Variants in PCDHGA3 observed in about 807,000 individuals in gnomAD.
PCDHGA3 encodes the protein protocadherin gamma-A3.
Under a neutral mutation model 58.5 loss-of-function variants are expected in PCDHGA3, and 40 were observed. That is an observed-to-expected ratio of 0.68 (90% CI 0.53 to 0.89). The LOEUF (loss-of-function observed/expected upper bound fraction) is 0.89. PCDHGA3 is among the 40% of genes least tolerant of loss of function. The probability of loss-of-function intolerance (pLI) is 0.00; values close to 1 mark genes in which losing one functional copy is unlikely to be tolerated. For synonymous variants in PCDHGA3, 530 were observed against 525.7 expected (o/e 1.01, Z -0.11); for missense variants, 1,223 against 1,195.9 (o/e 1.02, Z -0.33).
intron 1 of PCDHGA3, chr5:141,403,695 G>A (rs376074779): frequency 6.2e-7 from 1 of 1,613,780 alleles, no homozygotes; most frequent in Non-Finnish European, 8.5e-7. Flanking sequence ...CGGATTTACC[G>A]AGTTAAAGTC....
Position 141,374,942 on chromosome 5 carries a change from A to G in PCDHGA3, c.2424+28485A>G, listed in dbSNP as rs758134474. The G allele has an allele frequency of 5.6e-6, 9 of 1,613,926 alleles. No individual in the cohort carries two copies. Among genetic ancestry groups the G allele is most frequent in the Non-Finnish European group, 7.6e-6 (9 of 1,179,910 alleles). ...TTATTCCTTTGTGAAGATTACAGAA[A>G]AGATCTCACAAATTTTCTGTTTGAA... On this transcript the variant is annotated intron_variant, in intron 1 of 3. Coordinates refer to ENST00000253812, the MANE Select transcript of PCDHGA3 (RefSeq NM_018916.4).
intron 1 of PCDHGA3, 134 bp from the exon 2 acceptor site, chr5:141,494,673 C>A: frequency 6.5e-7 from 1 of 1,542,992 alleles, no homozygotes; most frequent in South Asian, 1.2e-5. Flanking sequence ...GATGAGTCCA[C>A]CCCTGCCCCC....
intron 1 of PCDHGA3, among the ~76,000 whole-genome samples, chr5:141,373,222 G>C (rs899880588): frequency 6.6e-6 from 1 of 152,116 alleles, no homozygotes; most frequent in African/African-American, 2.4e-5. Context: ...AATGTAACCT[G>C]TATATAATAT....
At chr5:141,453,464 C>A (rs186131587) in intron 1 of PCDHGA3, among the ~76,000 whole-genome samples, 16 of 152,090 alleles carry the variant, frequency 1.1e-4, no homozygotes, top group Non-Finnish European at 1.9e-4. Flanking sequence ...AAAACATTAA[C>A]ATAAAGTCAA....
rs184835272 is a variant in PCDHGA3, at chr5:141,470,234, C to A, written c.2425-24573C>A. ...AACCATTCAGCTTCTTCACCAAACC[C>A]TTGAATGTCCCACCTGTCTAAATGG... On this transcript the variant is annotated intron_variant, in intron 1 of 3. Transcript: ENST00000253812. Among the ~76,000 whole-genome samples, 6 of 152,288 alleles carry A rather than the reference C, an allele frequency of 3.9e-5. No individual in the cohort carries two copies. The East Asian group carries it at 9.6e-4, about 24-fold the overall frequency.
chr5:141,399,628 G>A (rs775633916), intron 1 of PCDHGA3: 23 of 1,613,772 alleles, frequency 1.4e-5, no homozygotes, highest in South Asian at 2.2e-5. Context: ...GGCCTCTTAC[G>A]TGTCCATGAG....
intron 1 of PCDHGA3, chr5:141,426,986 C>T (rs764345099): frequency 1.8e-5 from 8 of 456,618 alleles, no homozygotes; most frequent in South Asian, 7.7e-5. Flanking sequence ...CTGATGCCAA[C>T]GATAATGCCC....
chr5:141,498,565 G>C (rs2099784348), intron 2 of PCDHGA3, among the ~76,000 whole-genome samples: 1 of 152,044 alleles, frequency 6.6e-6, no homozygotes. Context: ...CTTCAAAGCA[G>C]GGCTAGTATT....
At chr5:141,389,161 G>A (rs2091630816) in intron 1 of PCDHGA3, 1 of 1,613,878 alleles carries the variant, frequency 6.2e-7, no homozygotes, top group African/African-American at 1.3e-5. Flanking sequence ...ACAGATCGGG[G>A]CAAGCCTCCC....
Position 141,491,507 on chromosome 5 carries a change from C to G in PCDHGA3, c.2425-3300C>G, listed in dbSNP as rs755899622. The stretch of plus-strand genomic sequence containing the variant: ...AACCTGCAGGTGAGCTCGGACGGCA[C>G]GCTCAAGTACATGGAGGTGACGCTG... On this transcript the variant is annotated intron_variant, in intron 1 of 3. Coordinates refer to ENST00000253812, the MANE Select transcript of PCDHGA3 (RefSeq NM_018916.4). This position sits in a 1 kb window ranked among gnomAD's most constrained non-coding sequence, Gnocchi z 6.9. 1.5e-5 allele frequency: 24 copies of G among 1,614,038 alleles called. No individual in the cohort carries two copies. The highest frequency in any genetic ancestry group is 2.0e-5 in the Non-Finnish European group (24 of 1,180,016).
intron 1 of PCDHGA3, chr5:141,419,164 C>G: frequency 6.2e-7 from 1 of 1,613,966 alleles, no homozygotes; most frequent in Non-Finnish European, 8.5e-7. Context: ...TATCCTCCAG[C>G]AAAACCATAA....
intron 1 of PCDHGA3, among the ~76,000 whole-genome samples, chr5:141,346,939 C>T (rs912318443): frequency 6.6e-6 from 1 of 152,116 alleles, no homozygotes; most frequent in Non-Finnish European, 1.5e-5. Context: ...ATATTTTATG[C>T]CCATGAAATT....
chr5:141,375,743 G>C, intron 1 of PCDHGA3: 2 of 1,614,238 alleles, frequency 1.2e-6, no homozygotes, highest in East Asian at 2.2e-5. Flanking sequence ...GTTTGTGCTG[G>C]ACCAGAATGA....
In PCDHGA3 at chr5:141,344,213, G is replaced by A. The variant is rs749543351; in HGVS notation, c.180G>A (p.Ala60=). 1.2e-6 allele frequency: 2 copies of A among 1,614,048 alleles called. No individual in the cohort carries two copies. The highest frequency in any genetic ancestry group is 1.7e-5 in the Admixed American group (1 of 60,030). Reference sequence around the variant, plus strand: ...TGGGGCTAGAGCCCCGGGAGCTGGCGGAGCGCGGAGTCCGCATCGTCTCCA... The same window carrying A: ...TGGGGCTAGAGCCCCGGGAGCTGGCAGAGCGCGGAGTCCGCATCGTCTCCA... ...NDLGLEPREL[A]ERGVRIVSRG... is the part of the protein sequence containing the mutation. The change falls in exon 1 of 4, where the codon GCG becomes GCA. Residue 60 remains alanine, a synonymous_variant. Transcript: ENST00000253812.
intron 1 of PCDHGA3, chr5:141,389,837 AC>A (rs2091936174): frequency 6.2e-7 from 1 of 1,613,842 alleles, no homozygotes. Flanking sequence ...GACAGCCACC[AC>A]TCTCGGCCAC....
intron 1 of PCDHGA3, among the ~76,000 whole-genome samples, chr5:141,347,578 G>A (rs1381748285): frequency 6.6e-6 from 1 of 152,132 alleles, no homozygotes; most frequent in Non-Finnish European, 1.5e-5. Flanking sequence ...CTTGAAGTCA[G>A]GAGTTCAAGA....
At position 141,398,835 on chromosome 5, in the gene PCDHGA3, T is replaced by C. The variant is rs371527677; in HGVS notation, c.2424+52378T>C. The C allele has an allele frequency of 2.0e-5, 33 of 1,613,914 alleles. No homozygotes were observed. In the African/African-American group the frequency reaches 3.7e-4, roughly 18 times the overall value. ...TCCGGATCCAGGTAACCGACGCCAA[T>C]GATAATCCCCCGGTATTCAACCGAG... On this transcript the variant is annotated intron_variant, in intron 1 of 3. Transcript: ENST00000253812.
chr5:141,350,919 GC>G (rs764101793), intron 1 of PCDHGA3: 22 of 1,613,980 alleles, frequency 1.4e-5, no homozygotes, highest in Non-Finnish European at 1.9e-5. Context: ...CCGCCTCTAA[GC>G]GGCACCACCC....
intron 1 of PCDHGA3, chr5:141,403,502 A>G: frequency 6.2e-7 from 1 of 1,613,998 alleles, no homozygotes; most frequent in Non-Finnish European, 8.5e-7. Context: ...GAACGTGCAG[A>G]CTGGAGACAA....
Sources: allele counts gnomAD v4.1 joint callset (sites outside exome capture counted in the v4.1 genomes callset), GRCh38; gene constraint gnomAD v4.1.1; non-coding constraint Gnocchi (gnomAD v3.1); transcripts MANE v1.5; gene names NCBI Gene and HGNC (gene_info 2026-07-23, HGNC 2026-07-21).